Variants in MGAT4D observed in about 807,000 individuals in gnomAD.
The protein encoded by MGAT4D is alpha-1,3-mannosyl-glycoprotein 4-beta-N-acetylglucosaminyltransferase-like protein MGAT4D.
A neutral mutation model predicts 15.9 loss-of-function variants in MGAT4D; 34 were observed. The ratio of observed to expected loss-of-function variants is 2.14; its 90% CI spans 1.62 to 2.84. The LOEUF is 2.84. MGAT4D is among the 30% of genes most tolerant of loss of function. MGAT4D has a pLI of 0.00. For synonymous variants in MGAT4D, 112 were observed against 48.2 expected, an observed-to-expected ratio of 2.33 and a Z score of -5.49; for missense variants, 327 against 140.2, an observed-to-expected ratio of 2.33 and a Z score of -6.73.
intron 8 of MGAT4D, chr4:140,457,624 A>G (rs971178822): frequency 2.6e-5 from 4 of 152,164 alleles, no homozygotes; most frequent in African/African-American, 9.6e-5. Flanking sequence ...TATGATAACT[A>G]AAAGAAAAAC....
chr4:140,473,006 AAAGAT>A (rs1338646542), intron 4 of MGAT4D, among the ~76,000 whole-genome samples: 1 of 152,170 alleles, frequency 6.6e-6, no homozygotes, highest in Non-Finnish European at 1.5e-5. Context: ...AGAATAAAGA[AAAGAT>A]AATAAAGGTT....
At chr4:140,447,627 T>C (rs776893075) in intron 10 of MGAT4D, among the ~76,000 whole-genome samples, 3 of 151,840 alleles carry the variant, frequency 2.0e-5, no homozygotes, top group Non-Finnish European at 2.9e-5. Context: ...GAAGACAGCA[T>C]ACCAATCTCT....
intron 3 of MGAT4D, among the ~76,000 whole-genome samples, chr4:140,475,589 G>C (rs1029520382): frequency 1.4e-5 from 2 of 141,462 alleles, no homozygotes; most frequent in Admixed American, 1.5e-4. Flanking sequence ...TTAAGATAGG[G>C]ATAAGGACTT....
intron 2 of MGAT4D, among the ~76,000 whole-genome samples, 177 bp downstream of exon 2, chr4:140,482,150 G>A (rs1361568574): frequency 1.3e-5 from 2 of 152,144 alleles, no homozygotes; most frequent in East Asian, 1.9e-4. Flanking sequence ...GACTACTTTC[G>A]AGGTCAAGAT....
At chr4:140,458,903 C>A (rs1159852330) in intron 8 of MGAT4D, 1 of 151,456 alleles carries the variant, frequency 6.6e-6, no homozygotes, top group African/African-American at 2.4e-5. Flanking sequence ...TGTCATGCAC[C>A]ATAATATAAG....
chr4:140,459,338 A>G (rs945870867), intron 8 of MGAT4D, 174 bp downstream of exon 8: 6 of 303,088 alleles, frequency 2.0e-5, no homozygotes, highest in African/African-American at 1.1e-4. Flanking sequence ...AAGAAAATAC[A>G]TTATCTGGAA....
intron 1 of MGAT4D, among the ~76,000 whole-genome samples, chr4:140,497,045 C>T (rs1402451718): frequency 6.6e-6 from 1 of 151,824 alleles, no homozygotes; most frequent in Non-Finnish European, 1.5e-5. Context: ...ATATGCATTC[C>T]TAATCTTTGA....
chr4:140,494,719 G>A (rs1733724983), intron 1 of MGAT4D, among the ~76,000 whole-genome samples: 1 of 152,128 alleles, frequency 6.6e-6, no homozygotes, highest in Non-Finnish European at 1.5e-5. Context: ...TCTCAACCAG[G>A]GATGATTTCT....
chr4:140,452,336 C>A (rs900542095), intron 9 of MGAT4D, among the ~76,000 whole-genome samples: 4 of 151,998 alleles, frequency 2.6e-5, no homozygotes, highest in African/African-American at 9.7e-5. Flanking sequence ...TATTTAGATG[C>A]ATTTCTACCC....
At chr4:140,487,280 G>C (rs1733205965) in intron 1 of MGAT4D, among the ~76,000 whole-genome samples, 1 of 152,082 alleles carries the variant, frequency 6.6e-6, no homozygotes, top group African/African-American at 2.4e-5. Flanking sequence ...GAGTCAATTG[G>C]GCATCTCTGT....
At chr4:140,465,696 T>C (rs932993977) in intron 5 of MGAT4D, among the ~76,000 whole-genome samples, 1 of 152,240 alleles carries the variant, frequency 6.6e-6, no homozygotes, top group African/African-American at 2.4e-5. Context: ...CATTATTTAT[T>C]AACATGTTAA....
At chr4:140,497,424 AT>A (rs1733908298) in intron 1 of MGAT4D, among the ~76,000 whole-genome samples, 1 of 152,200 alleles carries the variant, frequency 6.6e-6, no homozygotes, top group Non-Finnish European at 1.5e-5. Context: ...GTCCCATGCA[AT>A]TTTTTATACT....
At chr4:140,449,428 G>C (rs962007984) in intron 10 of MGAT4D, among the ~76,000 whole-genome samples, 1 of 152,044 alleles carries the variant, frequency 6.6e-6, no homozygotes, top group African/African-American at 2.4e-5. Flanking sequence ...TTATTTTTCT[G>C]CTTAATAAAA....
intron 4 of MGAT4D, 96 bp downstream of exon 4, chr4:140,474,717 A>G: frequency 2.3e-6 from 1 of 430,028 alleles, no homozygotes; most frequent in South Asian, 7.4e-5. Flanking sequence ...TTAAGAAAAC[A>G]GTTTTCAACA....
intron 7 of MGAT4D, among the ~76,000 whole-genome samples, chr4:140,461,266 C>T (rs530160678): frequency 4.9e-4 from 75 of 151,750 alleles, no homozygotes; most frequent in African/African-American, 1.8e-3. Flanking sequence ...CCTTTTTTTT[C>T]TTCCAATGAA....
chr4:140,447,536 T>C (rs1730210624), intron 10 of MGAT4D, among the ~76,000 whole-genome samples: 1 of 152,186 alleles, frequency 6.6e-6, no homozygotes, highest in South Asian at 2.1e-4. Context: ...GCCTTTTTTC[T>C]GATTTCCATT....
intron 9 of MGAT4D, among the ~76,000 whole-genome samples, chr4:140,456,347 G>A (rs545012317): frequency 3.8e-4 from 57 of 151,764 alleles, no homozygotes; most frequent in Non-Finnish European, 6.9e-4. Context: ...TTGAATTTAC[G>A]TCTATCATTT....
chr4:140,482,922 T>G (rs1732843309), intron 1 of MGAT4D, among the ~76,000 whole-genome samples: 1 of 152,120 alleles, frequency 6.6e-6, no homozygotes, highest in Admixed American at 6.6e-5. Context: ...ATATTTAACA[T>G]AGGCCGTAGT....
chr4:140,494,817 G>C (rs1733731769), intron 1 of MGAT4D, among the ~76,000 whole-genome samples: 2 of 152,070 alleles, frequency 1.3e-5, no homozygotes, highest in African/African-American at 4.8e-5. Flanking sequence ...TAGAACCCAT[G>C]GATGCTGCTA....
Sources: gnomAD v4.1 joint callset for allele counts (sites outside exome capture counted in the v4.1 genomes callset) on GRCh38, gnomAD v4.1.1 for gene constraint, MANE v1.5 for transcripts, NCBI Gene and HGNC (gene_info 2026-07-23, HGNC 2026-07-21) for gene names.